The following ENPP6 variants were observed in gnomAD, a reference collection of about 807,000 sequenced individuals.
ENPP6 encodes glycerophosphocholine cholinephosphodiesterase ENPP6.
A neutral mutation model predicts 42.0 loss-of-function variants in ENPP6; 32 were observed. That is an observed-to-expected ratio of 0.76 (90% confidence interval 0.58 to 1.02). The LOEUF is 1.02. Ranked by LOEUF, ENPP6 falls within the 50% of genes least tolerant of loss-of-function variation. ENPP6 has a pLI of 0.00. For synonymous variants in ENPP6, 213 were observed against 216.0 expected, an observed-to-expected ratio of 0.99 and a Z score of 0.12; for missense variants, 552 against 566.8, an observed-to-expected ratio of 0.97 and a Z score of 0.27.
intron 1 of ENPP6, chr4:184,217,107 C>T (rs887472242): frequency 2.0e-5 from 3 of 153,234 alleles, no homozygotes; most frequent in African/African-American, 2.4e-5. Context: ...AGCACCACTC[C>T]CCTCTGAGGA....
Position 184,199,187 on chromosome 4 carries a change from G to A in ENPP6, c.241+18392C>T, listed in dbSNP as rs533640745. The stretch of plus-strand genomic sequence containing the variant: ...ATTTTCCAGGGGCTGCTGGAGCCGA[G>A]GCGTCTTCTCTCAGGCTCCCTGATG... On this transcript the variant is annotated intron_variant, in intron 1 of 7. Coordinates refer to ENST00000296741, the MANE Select transcript of ENPP6 (RefSeq NM_153343.4). 1.3e-4 allele frequency among the ~76,000 whole-genome samples: 20 copies of A among 152,342 alleles called. No homozygotes were observed. The South Asian group carries it at 3.1e-3, about 24-fold the overall frequency.
intron 2 of ENPP6, among the ~76,000 whole-genome samples, chr4:184,139,037 A>G (rs964558931): frequency 6.6e-6 from 1 of 152,256 alleles, no homozygotes; most frequent in Non-Finnish European, 1.5e-5. Context: ...GACACCGTTC[A>G]TTTGGGTGGA....
chr4:184,215,369 A>G (rs1175604387), intron 1 of ENPP6, among the ~76,000 whole-genome samples: 1 of 152,214 alleles, frequency 6.6e-6, no homozygotes, highest in Non-Finnish European at 1.5e-5. Context: ...TTTAGCTACA[A>G]TTCCCAATGG....
intron 2 of ENPP6, among the ~76,000 whole-genome samples, chr4:184,130,497 G>C (rs1367104627): frequency 1.3e-5 from 1 of 78,830 alleles, no homozygotes; most frequent in Non-Finnish European, 2.9e-5. Context: ...GGCGGAGCTT[G>C]CAGTGAGCCG....
At chr4:184,202,495 G>A (rs1019448587) in intron 1 of ENPP6, among the ~76,000 whole-genome samples, 2 of 152,096 alleles carry the variant, frequency 1.3e-5, no homozygotes, top group Non-Finnish European at 1.5e-5. Context: ...TCAATTGCAC[G>A]TTTTTGACAC....
chr4:184,097,185 C>A, intron 7 of ENPP6, 60 bp downstream of exon 7: 1 of 1,606,918 alleles, frequency 6.2e-7, no homozygotes, highest in Non-Finnish European at 8.5e-7. Flanking sequence ...CCCGTAGCCC[C>A]CCTTACAGAC....
chr4:184,113,899 TTTTCTTTCTTTCTTTCTTTC>T lies in ENPP6; in HGVS notation c.856-1110_856-1091del, dbSNP rs70959170. Among the ~76,000 whole-genome samples, 390 of 103,710 alleles carry T rather than the reference TTTTCTTTCTTTCTTTCTTTC, an allele frequency of 3.8e-3. 3 individuals are homozygous for T. The highest frequency in any genetic ancestry group is 5.5e-3 in the Non-Finnish European group (282 of 51,214). The allele number at this position is 103,710 out of a possible 152,430, so 68.0% of individuals were successfully genotyped here. A position where few individuals can be genotyped will look rare whatever the true frequency, so the allele number is the denominator to read the frequency against. On this transcript the variant is annotated intron_variant, in intron 5 of 7. Coordinates refer to ENST00000296741, the MANE Select transcript of ENPP6 (RefSeq NM_153343.4). Reference sequence around the variant, plus strand: ...TCTTTCTTTTTCCTTCCTTTCTTTCTTTTCTTTCTTTCTTTCTTTCTTTCTTTCTTTCTTTCTTTCTTTCT... The same window carrying T: ...TCTTTCTTTTTCCTTCCTTTCTTTCTTTTCTTTCTTTCTTTCTTTCTTTCT...
At chr4:184,166,064 T>G (rs1320373763) in intron 1 of ENPP6, among the ~76,000 whole-genome samples, 2 of 152,226 alleles carry the variant, frequency 1.3e-5, no homozygotes, top group East Asian at 3.8e-4. Context: ...GAAATTTGCC[T>G]TGCAGATAAC....
At chr4:184,176,377 C>G (rs1737561491) in intron 1 of ENPP6, among the ~76,000 whole-genome samples, 1 of 152,192 alleles carries the variant, frequency 6.6e-6, no homozygotes, top group Non-Finnish European at 1.5e-5. Flanking sequence ...ACTATAATTA[C>G]CCTCTTCTTA....
chr4:184,154,836 TA>T (rs1214806725), intron 1 of ENPP6, among the ~76,000 whole-genome samples: 1 of 152,196 alleles, frequency 6.6e-6, no homozygotes, highest in Non-Finnish European at 1.5e-5. Context: ...TTAATACAAT[TA>T]AAAATAAAAT....
At chr4:184,199,165 T>A (rs1210212121) in intron 1 of ENPP6, among the ~76,000 whole-genome samples, 1 of 152,222 alleles carries the variant, frequency 6.6e-6, no homozygotes, top group East Asian at 1.9e-4. Context: ...TGGCAGCATT[T>A]TCCAGGGGCT....
At chr4:184,188,521 C>T (rs1167040747) in intron 1 of ENPP6, among the ~76,000 whole-genome samples, 5 of 152,120 alleles carry the variant, frequency 3.3e-5, no homozygotes, top group Non-Finnish European at 7.3e-5. Context: ...AGCTGTGTCA[C>T]AGTCTTGCCA....
At chr4:184,101,166 TG>T (rs1176241304) in intron 6 of ENPP6, among the ~76,000 whole-genome samples, 1 of 152,102 alleles carries the variant, frequency 6.6e-6, no homozygotes, top group East Asian at 1.9e-4. Context: ...TGAATGTGTG[TG>T]TGCATGAGTG....
intron 6 of ENPP6, among the ~76,000 whole-genome samples, chr4:184,099,466 T>C (rs899131989): frequency 6.6e-6 from 1 of 152,212 alleles, no homozygotes; most frequent in Non-Finnish European, 1.5e-5. Context: ...GCTAAGTCCC[T>C]GACACACAAT....
chr4:184,206,344 G>A (rs934850096), intron 1 of ENPP6, among the ~76,000 whole-genome samples: 25 of 106,734 alleles, frequency 2.3e-4, no homozygotes, highest in African/African-American at 8.6e-4. Flanking sequence ...TGCAAGCTCC[G>A]CCTCCCGGGT....
At chr4:184,191,236 C>A (rs924420148) in intron 1 of ENPP6, among the ~76,000 whole-genome samples, 1 of 152,196 alleles carries the variant, frequency 6.6e-6, no homozygotes, top group Admixed American at 6.6e-5. Flanking sequence ...GCCCTGTAAT[C>A]TTGAACAAGT....
chr4:184,207,998 A>C (rs1733028832), intron 1 of ENPP6, among the ~76,000 whole-genome samples: 1 of 107,468 alleles, frequency 9.3e-6, no homozygotes, highest in Admixed American at 1.1e-4. Flanking sequence ...GCCCGCTCTA[A>C]TGGCCTTGTT....
At chr4:184,150,296 T>C (rs938538864) in intron 2 of ENPP6, among the ~76,000 whole-genome samples, 1 of 152,170 alleles carries the variant, frequency 6.6e-6, no homozygotes, top group Non-Finnish European at 1.5e-5. Flanking sequence ...ACAGGAAGAC[T>C]TGAACTAGTG....
intron 5 of ENPP6, among the ~76,000 whole-genome samples, chr4:184,113,914 TC>T (rs1185895059): frequency 2.3e-5 from 3 of 130,278 alleles, no homozygotes; most frequent in Non-Finnish European, 5.0e-5. Flanking sequence ...TTTCTTTCTT[TC>T]TTTCTTTCTT....
Sources: allele counts gnomAD v4.1 joint callset (sites outside exome capture counted in the v4.1 genomes callset), GRCh38; gene constraint gnomAD v4.1.1; transcripts MANE v1.5; gene names NCBI Gene and HGNC (gene_info 2026-07-23, HGNC 2026-07-21).